PDE1A: variants seen among roughly 807,000 people sequenced by gnomAD.
PDE1A encodes dual specificity calcium/calmodulin-dependent 3',5'-cyclic nucleotide phosphodiesterase 1A.
Under a neutral mutation model 61.7 loss-of-function variants are expected in PDE1A, and 35 were observed. That is an observed-to-expected ratio of 0.57 (90% CI 0.43 to 0.75). PDE1A has a LOEUF of 0.75. PDE1A is among the 30% of genes least tolerant of loss of function. PDE1A has a pLI of 0.00. For synonymous variants in PDE1A, 232 were observed against 213.2 expected, an observed-to-expected ratio of 1.09 and a Z score of -0.77; for missense variants, 597 against 630.6, an observed-to-expected ratio of 0.95 and a Z score of 0.57.
At chr2:182,684,183 A>T in the PDE1A span, among the ~76,000 whole-genome samples, 2 of 151,300 alleles carry the variant, frequency 1.3e-5, no homozygotes. Flanking sequence ...TGTAATACCT[A>T]AAAAAAATTA....
intron 13 of PDE1A, among the ~76,000 whole-genome samples, chr2:182,180,854 T>A (rs1472747883): frequency 2.0e-5 from 3 of 151,926 alleles, no homozygotes; most frequent in South Asian, 4.2e-4. Context: ...AATTCTGATA[T>A]CCTTTCTTCT....
chr2:182,618,653 T>G, the PDE1A span, among the ~76,000 whole-genome samples: 1,689 of 152,330 alleles, frequency 0.011, 28 homozygotes, highest in African/African-American at 0.039. Flanking sequence ...ATAGGTTTAC[T>G]GCTTTAAAAG....
chr2:182,224,476 AT>A (rs1444358084), intron 6 of PDE1A, among the ~76,000 whole-genome samples: 22 of 152,012 alleles, frequency 1.4e-4, no homozygotes, highest in African/African-American at 5.1e-4. Context: ...AAATTCACAA[AT>A]TTTTCTATTC....
intron 1 of PDE1A, among the ~76,000 whole-genome samples, chr2:182,311,977 A>T (rs1306886277): frequency 6.6e-6 from 1 of 152,088 alleles, no homozygotes; most frequent in African/African-American, 2.4e-5. Context: ...ATCCTAATAG[A>T]TGTGTAGTGG....
chr2:182,534,686 T>G, the PDE1A span, among the ~76,000 whole-genome samples: 2 of 151,852 alleles, frequency 1.3e-5, no homozygotes, highest in East Asian at 3.9e-4. Context: ...ATTAATTACT[T>G]ATATTAATTT....
chr2:182,537,610 C>T, the PDE1A span, among the ~76,000 whole-genome samples: 1 of 151,968 alleles, frequency 6.6e-6, no homozygotes, highest in Non-Finnish European at 1.5e-5. Flanking sequence ...AACAAACTTG[C>T]ACGTTATGCA....
the PDE1A span, among the ~76,000 whole-genome samples, chr2:182,598,220 G>A: frequency 1.3e-5 from 2 of 152,154 alleles, no homozygotes; most frequent in African/African-American, 4.8e-5. Context: ...CAGTGCTTCT[G>A]CAAGCTGATT....
chr2:182,697,293 T>A, the PDE1A span, among the ~76,000 whole-genome samples: 91 of 152,362 alleles, frequency 6.0e-4, no homozygotes, highest in African/African-American at 2.0e-3. Context: ...CTCAGCCACT[T>A]GCCACTTAAC....
At chr2:182,357,084 G>A (rs977365806) in intron 1 of PDE1A, among the ~76,000 whole-genome samples, 15 of 152,038 alleles carry the variant, frequency 9.9e-5, no homozygotes, top group African/African-American at 2.9e-4. Flanking sequence ...TAATGTAAAC[G>A]ATGAGTTAAT....
At chr2:182,528,746 G>A in the PDE1A span, among the ~76,000 whole-genome samples, 15 of 152,252 alleles carry the variant, frequency 9.9e-5, no homozygotes, top group Admixed American at 5.2e-4. Context: ...TAGGGATTTC[G>A]TGCCCTGTAT....
At chr2:182,360,532 T>TC (rs1699440249) in intron 1 of PDE1A, among the ~76,000 whole-genome samples, 1 of 85,728 alleles carries the variant, frequency 1.2e-5, no homozygotes, top group Non-Finnish European at 3.1e-5. Flanking sequence ...GTTTAGTGTT[T>TC]TTTTTTTTTT....
chr2:182,159,966 G>T (rs1691290642), intron 13 of PDE1A, among the ~76,000 whole-genome samples: 1 of 152,060 alleles, frequency 6.6e-6, no homozygotes, highest in Non-Finnish European at 1.5e-5. Flanking sequence ...TTAAAAAAAA[G>T]AATTATTGTA....
chr2:182,466,638 A>T (rs1246040627), intron 2 of PDE1A, among the ~76,000 whole-genome samples: 2 of 152,054 alleles, frequency 1.3e-5, no homozygotes, highest in Non-Finnish European at 2.9e-5. Flanking sequence ...TTAGAATACT[A>T]GACAGAGAGC....
intron 2 of PDE1A, among the ~76,000 whole-genome samples, chr2:182,456,176 A>G (rs1011042499): frequency 6.6e-6 from 1 of 152,036 alleles, no homozygotes; most frequent in African/African-American, 2.4e-5. Context: ...TAGTTCTTTC[A>G]GAGTGTGGTC....
At chr2:182,372,959 C>T (rs1009389430) in intron 1 of PDE1A, among the ~76,000 whole-genome samples, 8 of 152,196 alleles carry the variant, frequency 5.3e-5, no homozygotes, top group Non-Finnish European at 1.2e-4. Flanking sequence ...GCCAGGGATC[C>T]ACTCATGACT....
intron 2 of PDE1A, among the ~76,000 whole-genome samples, chr2:182,251,944 T>C (rs1450315121): frequency 3.3e-5 from 5 of 152,302 alleles, no homozygotes; most frequent in Admixed American, 2.6e-4. Flanking sequence ...AGGGGTATAT[T>C]TGGAAGACAA....
intron 1 of PDE1A, among the ~76,000 whole-genome samples, chr2:182,398,122 G>T (rs913539787): frequency 2.0e-5 from 3 of 151,566 alleles, no homozygotes; most frequent in Admixed American, 2.0e-4. Flanking sequence ...GAAAATGTAA[G>T]AAATAAAAAA....
intron 1 of PDE1A, among the ~76,000 whole-genome samples, chr2:182,307,757 T>G (rs1410680754): frequency 6.6e-6 from 1 of 152,126 alleles, no homozygotes; most frequent in African/African-American, 2.4e-5. Flanking sequence ...CTTATAGTCC[T>G]AGCTACCTGG....
At chr2:182,527,322 A>T (rs1690788734), upstream of PDE1A, among the ~76,000 whole-genome samples, 2 of 42,166 alleles carry the variant, frequency 4.7e-5, no homozygotes, top group African/African-American at 1.9e-4. Flanking sequence ...AAAAAAAAAA[A>T]AAAAAATATA....
Sources: gnomAD v4.1 joint callset for allele counts (sites outside exome capture counted in the v4.1 genomes callset) on GRCh38, gnomAD v4.1.1 for gene constraint, MANE v1.5 for transcripts, NCBI Gene and HGNC (gene_info 2026-07-23, HGNC 2026-07-21) for gene names.